ANKH: variants seen among roughly 807,000 people sequenced by gnomAD.
ANKH encodes ANKH inorganic pyrophosphate transport regulator.
In ANKH, 15 loss-of-function variants were observed where a neutral mutation model predicts 49.0. The observed-to-expected ratio is 0.31, with a 90% CI of 0.20 to 0.47. The LOEUF (loss-of-function observed/expected upper bound fraction) is 0.47. ANKH is among the 20% of genes least tolerant of loss of function. The pLI, the probability that ANKH is intolerant of heterozygous loss-of-function variation, is 1.00. For missense variants in ANKH, 429 were observed against 652.0 expected (o/e 0.66, Z 3.72); for synonymous variants, 273 against 260.0 (o/e 1.05, Z -0.48).
intron 1 of ANKH, among the ~76,000 whole-genome samples, chr5:14,785,240 T>C (rs111920021): frequency 0.032 from 4,818 of 152,240 alleles, 247 homozygotes; most frequent in African/African-American, 0.11. Context: ...GTTTGGATGT[T>C]TGTCCCCTCC....
chr5:14,724,278 T>C (rs557607421), intron 8 of ANKH, among the ~76,000 whole-genome samples: 12 of 152,108 alleles, frequency 7.9e-5, no homozygotes, highest in African/African-American at 2.9e-4. Flanking sequence ...GATTGTGCCA[T>C]TGTACTCCAG....
intron 1 of ANKH, among the ~76,000 whole-genome samples, chr5:14,842,633 A>T (rs1253022534): frequency 6.6e-6 from 1 of 152,218 alleles, no homozygotes; most frequent in East Asian, 1.9e-4. Flanking sequence ...AGAGTATCAA[A>T]GCCCTTAGTT....
chr5:14,842,819 C>T (rs577052272), intron 1 of ANKH, among the ~76,000 whole-genome samples: 63 of 152,290 alleles, frequency 4.1e-4, no homozygotes, highest in African/African-American at 1.4e-3. Flanking sequence ...AATCATATCA[C>T]CCATGGGTGG....
chr5:14,801,421 T>C (rs1346646488), intron 1 of ANKH, among the ~76,000 whole-genome samples: 1 of 152,230 alleles, frequency 6.6e-6, no homozygotes, highest in East Asian at 1.9e-4. Flanking sequence ...AAGTATACTC[T>C]AAGGAACACT....
At chr5:14,816,562 C>T (rs1389392337) in intron 1 of ANKH, among the ~76,000 whole-genome samples, 3 of 152,092 alleles carry the variant, frequency 2.0e-5, no homozygotes, top group African/African-American at 7.2e-5. Flanking sequence ...ATAAAAGCGA[C>T]GTAAAAGCCT....
chr5:14,732,467 CTTTATA>C (rs901272646), intron 8 of ANKH, among the ~76,000 whole-genome samples: 7 of 152,072 alleles, frequency 4.6e-5, no homozygotes, highest in Non-Finnish European at 7.3e-5. Context: ...AGACTATAAA[CTTTATA>C]TTTATCTATA....
intron 1 of ANKH, among the ~76,000 whole-genome samples, chr5:14,823,568 A>C (rs1026482489): frequency 6.6e-6 from 1 of 152,216 alleles, no homozygotes; most frequent in African/African-American, 2.4e-5. Context: ...CAAACTGGAG[A>C]TCAAAACTCA....
At chr5:14,753,748 AGAG>A (rs1227916894) in intron 4 of ANKH, among the ~76,000 whole-genome samples, 3 of 129,008 alleles carry the variant, frequency 2.3e-5, no homozygotes, top group Non-Finnish European at 4.7e-5. Context: ...CAACAAACCA[AGAG>A]GTTTTTGTAT....
At chr5:14,797,937 G>A in intron 1 of ANKH, 1 of 1,589,608 alleles carries the variant, frequency 6.3e-7, no homozygotes, top group Non-Finnish European at 8.6e-7. Context: ...AGGATGTTTT[G>A]TATAGTCAAA....
chr5:14,776,118 C>T (rs1739613252), intron 1 of ANKH, among the ~76,000 whole-genome samples: 1 of 152,150 alleles, frequency 6.6e-6, no homozygotes, highest in South Asian at 2.1e-4. Flanking sequence ...GGGGGCCGCC[C>T]CCCGCATCCT....
intron 1 of ANKH, among the ~76,000 whole-genome samples, chr5:14,804,871 A>G (rs994515284): frequency 2.6e-5 from 4 of 152,144 alleles, no homozygotes; most frequent in African/African-American, 9.7e-5. Flanking sequence ...AATCACTGGG[A>G]CGTCTTGTGT....
chr5:14,758,163 G>A (rs763864193), intron 3 of ANKH, among the ~76,000 whole-genome samples: 15 of 152,202 alleles, frequency 9.9e-5, no homozygotes, highest in African/African-American at 1.9e-4. Flanking sequence ...AGTGAAATAC[G>A]CCAATTACAA....
chr5:14,809,959 C>T (rs42679), intron 1 of ANKH, among the ~76,000 whole-genome samples: 93,790 of 151,730 alleles, frequency 0.62, 29,292 homozygotes, highest in East Asian at 0.84. Context: ...AGTTTCTGGG[C>T]GCCAGCTGAA....
intron 8 of ANKH, among the ~76,000 whole-genome samples, chr5:14,731,458 G>T (rs915947980): frequency 6.6e-6 from 1 of 152,084 alleles, no homozygotes; most frequent in East Asian, 1.9e-4. Flanking sequence ...GCTGCCAGGG[G>T]CCGGGGGTAC....
chr5:14,833,927 T>C (rs536229411), intron 1 of ANKH, among the ~76,000 whole-genome samples: 5 of 152,124 alleles, frequency 3.3e-5, no homozygotes, highest in Non-Finnish European at 7.4e-5. Flanking sequence ...GCCTCAGAGT[T>C]GGCAGCACGA....
At chr5:14,772,891 C>A (rs1381902950) in intron 1 of ANKH, among the ~76,000 whole-genome samples, 3 of 152,228 alleles carry the variant, frequency 2.0e-5, no homozygotes, top group Admixed American at 6.5e-5. Flanking sequence ...CTGATGCATC[C>A]ACCATAGTTC....
chr5:14,836,901 A>G (rs2126605012), intron 1 of ANKH, among the ~76,000 whole-genome samples: 1 of 152,260 alleles, frequency 6.6e-6, no homozygotes, highest in East Asian at 1.9e-4. Context: ...AAACAGCATG[A>G]TACTGGTACC....
intron 1 of ANKH, chr5:14,870,143 T>C (rs1306234051): frequency 2.0e-5 from 3 of 152,100 alleles, no homozygotes; most frequent in Admixed American, 1.3e-4. Context: ...GCTGGCGCGG[T>C]AAACAAAGGT....
chr5:14,720,532 T>C (rs892845970), intron 8 of ANKH, among the ~76,000 whole-genome samples: 3 of 152,180 alleles, frequency 2.0e-5, no homozygotes, highest in Admixed American at 6.5e-5. Flanking sequence ...CACAAATACA[T>C]GGATCATCCC....
Sources: allele counts gnomAD v4.1 joint callset (sites outside exome capture counted in the v4.1 genomes callset), GRCh38; gene constraint gnomAD v4.1.1; transcripts MANE v1.5; gene names NCBI Gene and HGNC (gene_info 2026-07-23, HGNC 2026-07-21).